The following TESMIN variants were observed in gnomAD, a reference collection of about 807,000 sequenced individuals.
The protein encoded by TESMIN is testis expressed metallothionein like protein.
Under a neutral mutation model 47.4 loss-of-function variants are expected in TESMIN, and 34 were observed. That is an observed-to-expected ratio of 0.72 (90% CI 0.55 to 0.96). The LOEUF is 0.96. Ranked by LOEUF, TESMIN falls within the 40% of genes least tolerant of loss-of-function variation. The probability of loss-of-function intolerance (pLI) is 0.00; values close to 1 mark genes in which losing one functional copy is unlikely to be tolerated. For missense variants in TESMIN, 610 were observed against 637.2 expected (o/e 0.96, Z 0.46); for synonymous variants, 278 against 258.9 (o/e 1.07, Z -0.71).
intron 5 of TESMIN, among the ~76,000 whole-genome samples, chr11:68,739,423 A>G (rs568286221): frequency 2.2e-4 from 34 of 152,350 alleles, no homozygotes; most frequent in African/African-American, 7.9e-4. Context: ...CAGTAGCTTG[A>G]AGAAATTAAC....
intron 7 of TESMIN, among the ~76,000 whole-genome samples, chr11:68,714,969 A>G (rs1050008719): frequency 7.9e-5 from 12 of 152,258 alleles, no homozygotes; most frequent in African/African-American, 2.9e-4. Flanking sequence ...TAAAGTTTAC[A>G]TGCGTGACAA....
Position 68,715,860 on chromosome 11 carries a change from T to A in TESMIN, c.997A>T (p.Ile333Phe), listed in dbSNP as rs201967067. 116 of 1,610,356 alleles carry A rather than the reference T, an allele frequency of 7.2e-5. No individual in the cohort carries two copies. The highest frequency in any genetic ancestry group is 1.6e-4 in the Middle Eastern group (1 of 6,062). The change falls in exon 7 of 10, where the codon ATT becomes TTT. Residue 333 changes from isoleucine to phenylalanine, a missense_variant. By Grantham distance (21) the Ile-to-Phe change is conservative. Transcript: ENST00000255087. Reference protein sequence around the residue: ...NNCCNNLHHDIERFKAIKACL... With the variant: ...NNCCNNLHHDFERFKAIKACL... ...ACCTTAATGGCTTTAAACCGTTCAA[T>A]ATCATGATGCAAGTTGTTGCAACAA...
intron 6 of TESMIN, among the ~76,000 whole-genome samples, 176 bp from the exon 7 acceptor site, chr11:68,716,115 C>G (rs1174430797): frequency 6.6e-6 from 1 of 152,244 alleles, no homozygotes; most frequent in Non-Finnish European, 1.5e-5. Flanking sequence ...GGATAATGCT[C>G]ACCAGTGACT....
chr11:68,742,765 G>T (rs1034413252), intron 4 of TESMIN, among the ~76,000 whole-genome samples: 1 of 152,120 alleles, frequency 6.6e-6, no homozygotes, highest in South Asian at 2.1e-4. Flanking sequence ...GCTATGTTGC[G>T]AGGCTGGCTT....
chr11:68,732,234 T>G (rs925152572), intron 6 of TESMIN, among the ~76,000 whole-genome samples: 1 of 152,178 alleles, frequency 6.6e-6, no homozygotes, highest in African/African-American at 2.4e-5. Flanking sequence ...GCTGACCGAG[T>G]GCCCTCGTGA....
chr11:68,738,426 C>A, intron 6 of TESMIN: 2 of 1,190,756 alleles, frequency 1.7e-6, no homozygotes, highest in Non-Finnish European at 1.0e-6. Flanking sequence ...TAAATGGCAA[C>A]AAGCCTCAGA....
chr11:68,736,661 C>T (rs1403774335), intron 6 of TESMIN: 10 of 983,090 alleles, frequency 1.0e-5, no homozygotes, highest in Non-Finnish European at 9.7e-6. Flanking sequence ...TTTCCTGGCA[C>T]ACCGTTTACA....
In TESMIN at chr11:68,750,621, C is replaced by A; in HGVS notation, c.40G>T (p.Glu14Ter). The part of the protein sequence containing the change: ...GPLPGGLPSP[E>*]DAMVTELLSP... ...AAGAGCTCCGTCACCATCGCATCCT[C>A]GGGGCTGGGCAGCCCGCCCGGCAGA... The change falls in exon 2 of 10, where the codon GAG (glutamate) becomes TAG (stop). Residue 14 changes from glutamate (E) to a stop codon, truncating the protein, a stop_gained. Transcript: ENST00000255087. LOFTEE classifies it high-confidence loss of function. 6.3e-7 allele frequency: 1 copy of A among 1,582,896 alleles called. No homozygotes were observed. Among genetic ancestry groups the A allele is most frequent in the Non-Finnish European group, 8.6e-7 (1 of 1,163,034 alleles).
intron 6 of TESMIN, among the ~76,000 whole-genome samples, 158 bp from the exon 7 acceptor site, chr11:68,716,097 A>G (rs946598473): frequency 6.6e-6 from 1 of 152,240 alleles, no homozygotes; most frequent in African/African-American, 2.4e-5. Flanking sequence ...TGAGAACTAG[A>G]TCAACTAGGA....
intron 5 of TESMIN, among the ~76,000 whole-genome samples, chr11:68,741,974 T>C (rs1352011781): frequency 6.6e-6 from 1 of 152,256 alleles, no homozygotes; most frequent in South Asian, 2.1e-4. Flanking sequence ...AGTATTTCCA[T>C]AACACTGAGG....
intron 4 of TESMIN, among the ~76,000 whole-genome samples, chr11:68,743,571 T>C (rs1946484943): frequency 6.6e-6 from 1 of 152,164 alleles, no homozygotes; most frequent in Non-Finnish European, 1.5e-5. Context: ...TATGTGTATT[T>C]TTTTTTCAAG....
At position 68,742,517 on chromosome 11, in the gene TESMIN, G is replaced by A. The variant is rs1946469312; in HGVS notation, c.752-123C>T. The A allele has an allele frequency of 1.4e-5, 8 of 556,776 alleles. No homozygotes were observed. The South Asian group carries it at 2.3e-4, about 16-fold the overall frequency. 34.5% of individuals were successfully genotyped at this position (556,776 alleles called of 1,614,324 possible). On this transcript the variant is annotated intron_variant, in intron 4 of 9. Transcript: ENST00000255087. ...GTGCAAAGTTATTTCAACTTATCTT[G>A]ATGCTAGTTACGCATTTTATTCTCT...
intron 6 of TESMIN, among the ~76,000 whole-genome samples, chr11:68,735,884 TAAC>T (rs1946381443): frequency 6.6e-6 from 1 of 152,208 alleles, no homozygotes; most frequent in Non-Finnish European, 1.5e-5. Flanking sequence ...CCAGTTGAAA[TAAC>T]AGCGCCAGTA....
intron 6 of TESMIN, 107 bp downstream of exon 6, chr11:68,738,593 G>A: frequency 3.9e-6 from 6 of 1,538,714 alleles, no homozygotes; most frequent in South Asian, 1.2e-5. Flanking sequence ...AAGTCATGAA[G>A]GTGTGCAGTG....
chr11:68,714,694 C>T (rs1007970882), intron 7 of TESMIN, among the ~76,000 whole-genome samples: 3 of 152,224 alleles, frequency 2.0e-5, no homozygotes, highest in South Asian at 4.1e-4. Context: ...CAGTGCCTGG[C>T]TACTCTGAAT....
chr11:68,708,737 C>T (rs931963578), intron 9 of TESMIN, among the ~76,000 whole-genome samples: 5 of 150,236 alleles, frequency 3.3e-5, no homozygotes, highest in African/African-American at 1.2e-4. Context: ...TTGAGACCAG[C>T]CTGGGCAACA....
At chr11:68,742,281 G>A (rs1324331762) in intron 5 of TESMIN, 37 bp downstream of exon 5, 6 of 1,272,344 alleles carry the variant, frequency 4.7e-6, no homozygotes, top group Non-Finnish European at 6.6e-6. Flanking sequence ...AGACAATAAT[G>A]CAAAATTGTA....
At chr11:68,713,594 A>G (rs997456164) in intron 7 of TESMIN, among the ~76,000 whole-genome samples, 187 bp from the exon 8 acceptor site, 7 of 152,202 alleles carry the variant, frequency 4.6e-5, no homozygotes, top group African/African-American at 1.4e-4. Context: ...AAAAAGATAT[A>G]TTGTAGCTAA....
chr11:68,733,272 T>G (rs745830863), intron 6 of TESMIN, among the ~76,000 whole-genome samples: 15 of 152,182 alleles, frequency 9.9e-5, no homozygotes, highest in Non-Finnish European at 1.9e-4. Flanking sequence ...CAATGTAGAA[T>G]AAACCAATTC....
Sources: allele counts gnomAD v4.1 joint callset (sites outside exome capture counted in the v4.1 genomes callset), GRCh38; gene constraint gnomAD v4.1.1; transcripts MANE v1.5; gene names NCBI Gene and HGNC (gene_info 2026-07-23, HGNC 2026-07-21).